The following FANCF variants were observed in gnomAD, a reference collection of about 807,000 sequenced individuals.
The protein encoded by FANCF is Fanconi anemia group F protein.
For synonymous variants in FANCF, 257 were observed against 205.9 expected (o/e 1.25, Z -2.13); for missense variants, 552 against 481.8 (o/e 1.15, Z -1.36).
Position 22,624,094 on chromosome 11 carries a change from C to T in FANCF, c.*592G>A. 4.3e-6 allele frequency: 1 copy of T among 234,930 alleles called. No individual in the cohort carries two copies. The highest frequency in any genetic ancestry group is 8.4e-6 in the Non-Finnish European group (1 of 119,012). The allele number at this position is 234,930 out of a possible 1,614,324, so 14.6% of individuals were successfully genotyped here. A position where few individuals can be genotyped will look rare whatever the true frequency, so the allele number is the denominator to read the frequency against. On this transcript the variant is annotated 3_prime_UTR_variant, in exon 1 of 1. Coordinates refer to ENST00000327470, the MANE Select transcript of FANCF (RefSeq NM_022725.4). The stretch of plus-strand genomic sequence containing the variant: ...TTAAACATTTGTCTGTGCGTCAATG[C>T]TTTAAAGGGACATACTATGTGGTGA...
Position 22,624,621 on chromosome 11 carries a change from G to A in FANCF, c.*65C>T, listed in dbSNP as rs1858611058. On this transcript the variant is annotated 3_prime_UTR_variant, in exon 1 of 1. Transcript: ENST00000327470. ...GGACACACGAAGGCATATATTTGGT[G>A]AGAACATTGTAATTTTCATTTTGTA... The A allele has an allele frequency of 7.1e-7, 1 of 1,400,368 alleles. No individual in the cohort carries two copies. The highest frequency in any genetic ancestry group is 1.0e-6 in the Non-Finnish European group (1 of 987,644). 86.7% of individuals were successfully genotyped at this position (1,400,368 alleles called of 1,614,324 possible).
Position 22,625,602 on chromosome 11 carries a change from C to G in FANCF, c.209G>C (p.Gly70Ala). 3 of 1,613,842 alleles carry G rather than the reference C, an allele frequency of 1.9e-6. No individual in the cohort carries two copies. Among genetic ancestry groups the G allele is most frequent in the Non-Finnish European group, 2.5e-6 (3 of 1,179,972 alleles). Residue 70 changes from glycine (G) to alanine (A), a missense_variant, in exon 1 of 1, where the codon GGC becomes GCC. By Grantham distance (60) the Gly-to-Ala change is moderately conservative. Transcript: ENST00000327470. ...RRLHNQWRQE[G>A]GFGRGPVPGL... The stretch of plus-strand genomic sequence containing the variant: ...CGGAACTGGACCCCGCCCAAAGCCG[C>G]CCTCTTGCCTCCACTGGTTGTGCAG...
At position 22,625,731 on chromosome 11, in the gene FANCF, T is replaced by A. The variant is rs1590542468; in HGVS notation, c.80A>T (p.Asp27Val). 6.2e-7 allele frequency: 1 copy of A among 1,613,948 alleles called. No individual in the cohort carries two copies. Among genetic ancestry groups the A allele is most frequent in the Non-Finnish European group, 8.5e-7 (1 of 1,180,010 alleles). Residue 27 changes from aspartate (D) to valine (V), a missense_variant, in exon 1 of 1, where the codon GAC (aspartate) becomes GTC (valine). Physicochemically the swap from Asp to Val is radical, Grantham distance 152. Transcript: ENST00000327470. ...VSSTTYVSTW[D>V]PATVRRALQW... The stretch of plus-strand genomic sequence containing the variant: ...CAAGGCCCGGCGCACGGTGGCGGGG[T>A]CCCAGGTGCTGACGTAGGTAGTGCT...
rs199578614 is a variant in FANCF at position 22,625,532 on chromosome 11, G to A, written c.279C>T (p.Leu93=). ...FQALGHCDVL[L]SLRLLENRAL... ...CCCGGTTCTCCAGCAGGCGCAGAGA[G>A]AGCAGGACGTCACAGTGACCGAGGG... Residue 93 remains leucine, a synonymous_variant, in exon 1 of 1, where the codon CTC becomes CTT. Coordinates refer to ENST00000327470, the MANE Select transcript of FANCF (RefSeq NM_022725.4). The A allele has an allele frequency of 4.3e-5, 70 of 1,614,208 alleles. No individual in the cohort carries two copies. The East Asian group carries it at 1.5e-3, about 34-fold the overall frequency.
chr11:22,624,906 A>C lies in FANCF; in HGVS notation c.905T>G (p.Val302Gly), dbSNP rs1858617898. The change falls in exon 1 of 1, where the codon GTG becomes GGG. Residue 302 changes from valine (V) to glycine (G), a missense_variant. By Grantham distance (109) the Val-to-Gly change is moderately radical (BLOSUM62 -3). Coordinates refer to ENST00000327470, the MANE Select transcript of FANCF (RefSeq NM_022725.4). ...CCTATTGTGCAACTCCTCCCAGGGC[A>C]CATCTTGGGACTCAGTTCCAACCCA... Reference protein sequence around the residue: ...GIWVGTESQDVPWEELHNRFQ... With the variant: ...GIWVGTESQDGPWEELHNRFQ... 1 of 1,614,042 alleles carries C rather than the reference A, an allele frequency of 6.2e-7. No individual in the cohort carries two copies. The highest frequency in any genetic ancestry group is 8.5e-7 in the Non-Finnish European group (1 of 1,180,024).
chr11:22,622,625 A>C lies in FANCF; in HGVS notation c.*2061T>G, dbSNP rs1282649446. The C allele has an allele frequency of 1.1e-5, 2 of 185,080 alleles. No homozygotes were observed. The highest frequency in any genetic ancestry group is 2.3e-5 in the Non-Finnish European group (2 of 87,400). The allele number at this position is 185,080 out of a possible 1,614,324, so 11.5% of individuals were successfully genotyped here. A position where few individuals can be genotyped will look rare whatever the true frequency, so the allele number is the denominator to read the frequency against. ...TATATAAAGCTCTAATGCTGGTTTC[A>C]TTTATTCAAACACTACAAGTATCTA... On this transcript the variant is annotated 3_prime_UTR_variant, in exon 1 of 1. Coordinates refer to ENST00000327470, the MANE Select transcript of FANCF (RefSeq NM_022725.4).
rs2133796873 is a variant in FANCF, at chr11:22,625,052, G to A, written c.759C>T (p.Arg253=). 1 of 1,614,138 alleles carries A rather than the reference G, an allele frequency of 6.2e-7. No homozygotes were observed. Among genetic ancestry groups the A allele is most frequent in the Non-Finnish European group, 8.5e-7 (1 of 1,179,986 alleles). ...AAGTCAAAAGCCCGGCTGGGAGGGC[G>A]CGACAAAAGGCAGCAAAGACTTCCG... ...GNSEVFAAFC[R]ALPAGLLTLV... The change falls in exon 1 of 1, where the codon CGC becomes CGT. Residue 253 remains arginine, a synonymous_variant. Coordinates refer to ENST00000327470, the MANE Select transcript of FANCF (RefSeq NM_022725.4).
Position 22,624,320 on chromosome 11 carries a change from G to A in FANCF, c.*366C>T, listed in dbSNP as rs558353629. The A allele has an allele frequency of 1.4e-4, 49 of 340,866 alleles. No homozygotes were observed. The East Asian group carries it at 1.5e-3, about 11-fold the overall frequency. The allele number at this position is 340,866 out of a possible 1,614,324, so 21.1% of individuals were successfully genotyped here. ...ACTCTTCACTACTGAGGGAGGGACA[G>A]AAAACCTAGAAAAATAAACCATACT... On this transcript the variant is annotated 3_prime_UTR_variant, in exon 1 of 1. Coordinates refer to ENST00000327470, the MANE Select transcript of FANCF (RefSeq NM_022725.4).
In FANCF at chr11:22,625,256, G is replaced by C; in HGVS notation, c.555C>G (p.Pro185=). 1 of 1,614,134 alleles carries C rather than the reference G, an allele frequency of 6.2e-7. No individual in the cohort carries two copies. Among genetic ancestry groups the C allele is most frequent in the South Asian group, 1.1e-5 (1 of 91,090 alleles). ...CCCACAGGCTGCTGAGAAACCTGGC[G>C]GGACGCTCCGCTTCGGCCTTCCCCA... ...QEVGKAEAER[P]ARFLSSLWER... Residue 185 remains proline, a synonymous_variant, in exon 1 of 1, where the codon CCC becomes CCG. Transcript: ENST00000327470.
chr11:22,625,530 G>A lies in FANCF; in HGVS notation c.281C>T (p.Ser94Phe), dbSNP rs1454810693. The change falls in exon 1 of 1, where the codon TCT (serine) becomes TTT (phenylalanine). Residue 94 changes from serine to phenylalanine, a missense_variant. Ser to Phe is a radical substitution (Grantham distance 155, BLOSUM62 -2). Coordinates refer to ENST00000327470, the MANE Select transcript of FANCF (RefSeq NM_022725.4). ...QALGHCDVLL[S>F]LRLLENRALG... ...GGCCCGGTTCTCCAGCAGGCGCAGAGAGAGCAGGACGTCACAGTGACCGAG... is the reference window on the plus strand; with the variant it reads ...GGCCCGGTTCTCCAGCAGGCGCAGAAAGAGCAGGACGTCACAGTGACCGAG... The A allele has an allele frequency of 1.2e-6, 2 of 1,614,090 alleles. No individual in the cohort carries two copies. The highest frequency in any genetic ancestry group is 1.7e-6 in the Non-Finnish European group (2 of 1,180,040).
In FANCF at chr11:22,625,317, G is replaced by A; in HGVS notation, c.494C>T (p.Thr165Ile). 1.9e-6 allele frequency: 3 copies of A among 1,614,236 alleles called. No homozygotes were observed. Among genetic ancestry groups the A allele is most frequent in the Non-Finnish European group, 1.7e-6 (2 of 1,180,036 alleles). The change falls in exon 1 of 1, where the codon ACC (threonine) becomes ATC (isoleucine). Residue 165 changes from threonine to isoleucine, a missense_variant. Physicochemically the swap from Thr to Ile is moderately conservative, Grantham distance 89. Coordinates refer to ENST00000327470, the MANE Select transcript of FANCF (RefSeq NM_022725.4). The stretch of plus-strand genomic sequence containing the variant: ...ACGCTCCAGCAGCAGCTCCGCCTGG[G>A]TCTTCATCAGAGAGTCCTCCTGGAG... ...PNLQEDSLMK[T>I]QAELLLERLQ...
Position 22,625,038 on chromosome 11 carries a change from C to G in FANCF, c.773G>C (p.Gly258Ala), listed in dbSNP as rs550166257. 2.5e-6 allele frequency: 4 copies of G among 1,614,184 alleles called. No individual in the cohort carries two copies. Among genetic ancestry groups the G allele is most frequent in the Non-Finnish European group, 3.4e-6 (4 of 1,180,046 alleles). The change falls in exon 1 of 1, where the codon GGG (glycine) becomes GCG (alanine). Residue 258 changes from glycine to alanine, a missense_variant. By Grantham distance (60) the Gly-to-Ala change is moderately conservative. Coordinates refer to ENST00000327470, the MANE Select transcript of FANCF (RefSeq NM_022725.4). ...FAAFCRALPA[G>A]LLTLVTSRHP... ...GCGGCTAGTCACTAAAGTCAAAAGC[C>G]CGGCTGGGAGGGCGCGACAAAAGGC...
At position 22,624,136 on chromosome 11, in the gene FANCF, G is replaced by A; in HGVS notation, c.*550C>T. On this transcript the variant is annotated 3_prime_UTR_variant, in exon 1 of 1. Transcript: ENST00000327470. ...ATGTGGTGATTCATTTTCAAAGTAA[G>A]AATTTGCAGAAAATGAGAAACAAAC... 4.2e-6 allele frequency: 1 copy of A among 240,472 alleles called. No homozygotes were observed. Among genetic ancestry groups the A allele is most frequent in the Non-Finnish European group, 8.2e-6 (1 of 121,714 alleles). 14.9% of individuals were successfully genotyped at this position (240,472 alleles called of 1,614,324 possible).
At position 22,625,790 on chromosome 11, in the gene FANCF, G is replaced by C; in HGVS notation, c.21C>G (p.His7Gln). 3 of 1,614,154 alleles carry C rather than the reference G, an allele frequency of 1.9e-6. No homozygotes were observed. The highest frequency in any genetic ancestry group is 4.5e-5 in the East Asian group (2 of 44,866). Residue 7 changes from histidine (H) to glutamine (Q), a missense_variant, in exon 1 of 1, where the codon CAC (histidine) becomes CAG (glutamine). His to Gln is a conservative substitution (Grantham distance 24, BLOSUM62 0). Transcript: ENST00000327470. ...CCAGAAGCTCGGAAAAGCGATCCAG[G>C]TGCTGCAGAAGGGATTCCATGAGGT... MESLLQ[H>Q]LDRFSELLAV...
rs942837643 is a variant in FANCF, at chr11:22,623,788, T to C, written c.*898A>G. 1 of 179,460 alleles carries C rather than the reference T, an allele frequency of 5.6e-6. No individual in the cohort carries two copies. The highest frequency in any genetic ancestry group is 2.4e-5 in the African/African-American group (1 of 42,300). The allele number at this position is 179,460 out of a possible 1,614,324, so 11.1% of individuals were successfully genotyped here. Reference sequence around the variant, plus strand: ...GGCGGACGGATCACAAGGTCAGGTGTTTGAGACCAGCCTGGCCAGCATGGT... The same window carrying C: ...GGCGGACGGATCACAAGGTCAGGTGCTTGAGACCAGCCTGGCCAGCATGGT... On this transcript the variant is annotated 3_prime_UTR_variant, in exon 1 of 1. Coordinates refer to ENST00000327470, the MANE Select transcript of FANCF (RefSeq NM_022725.4).
chr11:22,625,237 G>C lies in FANCF; in HGVS notation c.574C>G (p.Leu192Val). 6.2e-7 allele frequency: 1 copy of C among 1,614,124 alleles called. No homozygotes were observed. Among genetic ancestry groups the C allele is most frequent in the Middle Eastern group, 1.6e-4 (1 of 6,062 alleles). Residue 192 changes from leucine (L) to valine (V), a missense_variant, in exon 1 of 1, where the codon CTG (leucine) becomes GTG (valine). Transcript: ENST00000327470. ...TTGTTCTGAGGCAAGCGCTCCCACA[G>C]GCTGCTGAGAAACCTGGCGGGACGC... ...AERPARFLSS[L>V]WERLPQNNFL... is the part of the protein sequence containing the mutation.
Position 22,623,102 on chromosome 11 carries a change from T to C in FANCF, c.*1584A>G, listed in dbSNP as rs1858581594. The C allele has an allele frequency of 9.6e-6, 2 of 209,084 alleles. No homozygotes were observed. Among genetic ancestry groups the C allele is most frequent in the South Asian group, 1.9e-4 (1 of 5,338 alleles). The allele number at this position is 209,084 out of a possible 1,614,324, so 13.0% of individuals were successfully genotyped here. ...TCTTTATTCTTGCATTAATGATAAA[T>C]GTAATCTACAAGATGGCCTTCATGG... is the stretch of plus-strand genomic sequence containing the variant. On this transcript the variant is annotated 3_prime_UTR_variant, in exon 1 of 1. Coordinates refer to ENST00000327470, the MANE Select transcript of FANCF (RefSeq NM_022725.4).
Position 22,623,220 on chromosome 11 carries a change from G to A in FANCF, c.*1466C>T, listed in dbSNP as rs1292684884. ...AAGTGTACTGACTACTGGAATAATA[G>A]TTTACCCCTGGGTTGTACCACAGAA... On this transcript the variant is annotated 3_prime_UTR_variant, in exon 1 of 1. Transcript: ENST00000327470. 4.7e-6 allele frequency: 1 copy of A among 212,862 alleles called. No homozygotes were observed. Among genetic ancestry groups the A allele is most frequent in the Non-Finnish European group, 9.5e-6 (1 of 105,288 alleles). 13.2% of individuals were successfully genotyped at this position (212,862 alleles called of 1,614,324 possible).
At position 22,625,292 on chromosome 11, in the gene FANCF, A is replaced by G. The variant is rs917900309; in HGVS notation, c.519T>C (p.Arg173=). ...CTTCGGCCTTCCCCACCTCCTGCAG[A>G]CGCTCCAGCAGCAGCTCCGCCTGGG... ...MKTQAELLLE[R]LQEVGKAEAE... is the part of the protein sequence containing the mutation. The change falls in exon 1 of 1, where the codon CGT becomes CGC. Residue 173 remains arginine, a synonymous_variant. Coordinates refer to ENST00000327470, the MANE Select transcript of FANCF (RefSeq NM_022725.4). The G allele has an allele frequency of 1.2e-6, 2 of 1,614,064 alleles. No homozygotes were observed. The highest frequency in any genetic ancestry group is 1.7e-6 in the Non-Finnish European group (2 of 1,180,046).
Sources: gnomAD v4.1 joint callset for allele counts on GRCh38, gnomAD v4.1.1 for gene constraint, MANE v1.5 for transcripts, NCBI Gene and HGNC (gene_info 2026-07-23, HGNC 2026-07-21) for gene names.